The following PLEKHG1 variants were observed in gnomAD, a reference collection of about 807,000 sequenced individuals.
PLEKHG1 encodes the protein pleckstrin homology and RhoGEF domain containing G1.
A neutral mutation model predicts 100.8 loss-of-function variants in PLEKHG1; 44 were observed. That is an observed-to-expected ratio of 0.44 (90% CI 0.34 to 0.56). PLEKHG1 has a LOEUF of 0.56. Ranked by LOEUF, PLEKHG1 falls within the 20% of genes least tolerant of loss-of-function variation. The pLI, the probability that PLEKHG1 is intolerant of heterozygous loss-of-function variation, is 0.01. For missense variants in PLEKHG1, 1,545 were observed against 1,720.9 expected, an observed-to-expected ratio of 0.90 and a Z score of 1.81; for synonymous variants, 640 against 662.5, an observed-to-expected ratio of 0.97 and a Z score of 0.52.
rs1237160330 is a variant in PLEKHG1, at chr6:150,600,189, G to C, written c.-204+172G>C. On this transcript the variant is annotated intron_variant, in intron 1 of 3. Transcript: ENST00000367326. This position sits in a 1 kb window ranked among gnomAD's most constrained non-coding sequence, Gnocchi z 6.2. Reference sequence around the variant, plus strand: ...CCGCAGTGGGGACGGAGGGCCTTGGGGGGCGCCGAGCGGTGGGGACAGAGG... The same window carrying C: ...CCGCAGTGGGGACGGAGGGCCTTGGCGGGCGCCGAGCGGTGGGGACAGAGG... Among the ~76,000 whole-genome samples, 2 of 151,422 alleles carry C rather than the reference G, an allele frequency of 1.3e-5. No homozygotes were observed. Among genetic ancestry groups the C allele is most frequent in the African/African-American group, 4.8e-5 (2 of 41,292 alleles).
Position 150,745,905 on chromosome 6 carries a change from C to T in PLEKHG1, c.411+11813C>T, listed in dbSNP as rs563862207. Reference sequence around the variant, plus strand: ...AGCCACCAGCTGCCCACACCGGCCACCCTGGAGAACAAAAGGAAGCAAGAG... The same window carrying T: ...AGCCACCAGCTGCCCACACCGGCCATCCTGGAGAACAAAAGGAAGCAAGAG... On this transcript the variant is annotated intron_variant, in intron 2 of 15. Transcript: ENST00000358517. Among the ~76,000 whole-genome samples the T allele has an allele frequency of 7.2e-4, 109 of 151,950 alleles. No homozygotes were observed. The South Asian group carries it at 7.7e-3, about 11-fold the overall frequency.
At chr6:150,797,629 G>C (rs1334198763) in intron 5 of PLEKHG1, among the ~76,000 whole-genome samples, 1 of 151,872 alleles carries the variant, frequency 6.6e-6, no homozygotes, top group African/African-American at 2.4e-5. Flanking sequence ...GAGGTCAGGA[G>C]TTTGAGACCA....
intron 13 of PLEKHG1, among the ~76,000 whole-genome samples, chr6:150,821,814 A>G (rs1236892460): frequency 1.3e-5 from 2 of 148,928 alleles, no homozygotes; most frequent in Non-Finnish European, 3.0e-5. Flanking sequence ...TCAAAAAGAA[A>G]AGACAGAGGA....
At chr6:150,719,606 T>C (rs372641938), upstream of PLEKHG1, among the ~76,000 whole-genome samples, 49 of 152,202 alleles carry the variant, frequency 3.2e-4, no homozygotes, top group Middle Eastern at 6.8e-3. Context: ...GAGCTGTGGG[T>C]TGGAGTGGTT....
chr6:150,633,496 G>T (rs1161790046), intron 1 of PLEKHG1, among the ~76,000 whole-genome samples: 1 of 152,168 alleles, frequency 6.6e-6, no homozygotes, highest in Non-Finnish European at 1.5e-5. Flanking sequence ...TTTAGCTGGG[G>T]CAGGGTTAGC....
chr6:150,701,186 G>C (rs1041513228), intron 3 of PLEKHG1, among the ~76,000 whole-genome samples: 5 of 150,998 alleles, frequency 3.3e-5, no homozygotes, highest in Admixed American at 6.6e-5. Flanking sequence ...CAGGTGTGGT[G>C]GTGGGCGCCA....
rs765645545 is a variant in PLEKHG1 at position 150,831,431 on chromosome 6, G to A, written c.2320G>A (p.Asp774Asn). The change falls in exon 15 of 16, where the codon GAC becomes AAC. Residue 774 changes from aspartate (D) to asparagine (N), a missense_variant. Coordinates refer to ENST00000358517, the Ensembl canonical transcript of PLEKHG1. The surrounding 1 kb of genome is among the most constrained non-coding windows in gnomAD (Gnocchi z 4.1). The stretch of plus-strand genomic sequence containing the variant: ...GAGCACCTTTTTGGGTCTGGAGGCC[G>A]ACTTCGTGTGCTGTGACAGCCTGAG... 27 of 1,613,966 alleles carry A rather than the reference G, an allele frequency of 1.7e-5. No homozygotes were observed. In the East Asian group the frequency reaches 2.5e-4, roughly 15 times the overall value.
intron 1 of PLEKHG1, among the ~76,000 whole-genome samples, chr6:150,630,120 T>C (rs1433403340): frequency 1.3e-5 from 2 of 152,200 alleles, no homozygotes; most frequent in Non-Finnish European, 2.9e-5. Flanking sequence ...GTTTGTACCT[T>C]GTTCAGCAGG....
intron 2 of PLEKHG1, among the ~76,000 whole-genome samples, chr6:150,734,917 AGAG>A (rs150990032): frequency 0.012 from 1,789 of 152,040 alleles, 43 homozygotes; most frequent in African/African-American, 0.041. Context: ...AAGAATTATC[AGAG>A]GAGCTCAGAT....
chr6:150,745,946 A>G (rs1177611729), intron 2 of PLEKHG1, among the ~76,000 whole-genome samples: 1 of 152,168 alleles, frequency 6.6e-6, no homozygotes, highest in African/African-American at 2.4e-5. Context: ...GAAAAAGATT[A>G]AAAGAATAGA....
At chr6:150,657,441 T>TGTTG (rs1235722850) in intron 3 of PLEKHG1, among the ~76,000 whole-genome samples, 1 of 152,260 alleles carries the variant, frequency 6.6e-6, no homozygotes, top group African/African-American at 2.4e-5. Flanking sequence ...GCTTATTTTC[T>TGTTG]GTTGGTTGGT....
At chr6:150,820,885 G>A (rs1776256123) in intron 12 of PLEKHG1, among the ~76,000 whole-genome samples, 1 of 152,082 alleles carries the variant, frequency 6.6e-6, no homozygotes, top group Non-Finnish European at 1.5e-5. Flanking sequence ...ATGTACAATT[G>A]AACATCATCA....
chr6:150,840,700 T>C (rs17054318), exon 16 of PLEKHG1: 67,309 of 1,614,178 alleles, frequency 0.042, 1,613 homozygotes, highest in South Asian at 0.063. Flanking sequence ...GGCAACACAT[T>C]GCATTCTTTG....
At chr6:150,742,765 C>T (rs1782947971) in intron 2 of PLEKHG1, among the ~76,000 whole-genome samples, 11 of 152,080 alleles carry the variant, frequency 7.2e-5, no homozygotes, top group Admixed American at 7.2e-4. Flanking sequence ...ATATCAGTAA[C>T]ATACAGATCT....
chr6:150,831,865 G>A lies in PLEKHG1; in HGVS notation c.2754G>A (p.Glu918=), dbSNP rs1776957439. Residue 918 remains glutamate (E), a synonymous_variant, in exon 15 of 16, where the codon GAG becomes GAA. Transcript: ENST00000358517. The surrounding 1 kb of genome is among the most constrained non-coding windows in gnomAD (Gnocchi z 4.1). ...CCAGCCGCGCCAACTGCCCCTTTGA[G>A]GAAGACCTGATTTCTAAAGAAGGCT... 10 of 1,613,734 alleles carry A rather than the reference G, an allele frequency of 6.2e-6. No individual in the cohort carries two copies. The highest frequency in any genetic ancestry group is 8.5e-6 in the Non-Finnish European group (10 of 1,179,792).
chr6:150,699,769 G>C (rs1780691703), intron 3 of PLEKHG1, among the ~76,000 whole-genome samples: 1 of 152,102 alleles, frequency 6.6e-6, no homozygotes, highest in Admixed American at 6.6e-5. Flanking sequence ...TAGTTTATTA[G>C]GGATCTTAAT....
At chr6:150,685,354 G>A (rs1780082313) in intron 3 of PLEKHG1, among the ~76,000 whole-genome samples, 1 of 152,176 alleles carries the variant, frequency 6.6e-6, no homozygotes, top group African/African-American at 2.4e-5. Flanking sequence ...CTTTGCCCCT[G>A]AGCAGCAATC....
chr6:150,688,809 T>C (rs1780239663), intron 3 of PLEKHG1, among the ~76,000 whole-genome samples: 1 of 152,202 alleles, frequency 6.6e-6, no homozygotes, highest in Admixed American at 6.5e-5. Flanking sequence ...TGCCACACAA[T>C]TTACCATTTA....
intron 3 of PLEKHG1, among the ~76,000 whole-genome samples, chr6:150,673,062 G>C (rs1407457783): frequency 6.6e-6 from 1 of 152,006 alleles, no homozygotes; most frequent in African/African-American, 2.4e-5. Context: ...TTCATAGTCG[G>C]CCGGAAAGCA....
Sources: gnomAD v4.1 joint callset for allele counts (sites outside exome capture counted in the v4.1 genomes callset) on GRCh38, gnomAD v4.1.1 for gene constraint, Gnocchi (gnomAD v3.1) non-coding constraint, MANE v1.5 for transcripts, NCBI Gene and HGNC (gene_info 2026-07-23, HGNC 2026-07-21) for gene names.